Variants in AGBL4 observed in about 807,000 individuals in gnomAD.
AGBL4 encodes cytosolic carboxypeptidase 6.
AGBL4 carries 58 observed loss-of-function variants against 66.4 expected under a neutral mutation model. The observed-to-expected ratio is 0.87, with a 90% CI of 0.71 to 1.09. The LOEUF is 1.09. AGBL4 is among the 50% of genes least tolerant of loss of function. The pLI is 0.00. For synonymous variants in AGBL4, 234 were observed against 222.9 expected (o/e 1.05, Z -0.44); for missense variants, 579 against 631.0 (o/e 0.92, Z 0.88).
chr1:48,795,568 T>C (rs1645654979), intron 6 of AGBL4, among the ~76,000 whole-genome samples: 2 of 152,354 alleles, frequency 1.3e-5, no homozygotes, highest in Middle Eastern at 3.4e-3. Flanking sequence ...ACCCAGAAAG[T>C]TGACATTGTT....
intron 6 of AGBL4, among the ~76,000 whole-genome samples, chr1:48,742,226 T>C (rs1390656949): frequency 2.0e-5 from 3 of 152,208 alleles, no homozygotes; most frequent in African/African-American, 7.2e-5. Flanking sequence ...ACTGAGTTGT[T>C]ATCTGTAAAT....
intron 3 of AGBL4, among the ~76,000 whole-genome samples, chr1:49,378,514 TGAGAGG>T (rs750883631): frequency 1.2e-4 from 18 of 151,864 alleles, no homozygotes; most frequent in Admixed American, 2.6e-4. Flanking sequence ...AGAACCCTGG[TGAGAGG>T]GAGCAGTGGG....
intron 3 of AGBL4, among the ~76,000 whole-genome samples, chr1:49,350,495 G>T (rs962522128): frequency 2.0e-5 from 3 of 152,186 alleles, no homozygotes; most frequent in Non-Finnish European, 4.4e-5. Flanking sequence ...GAGCCACCGC[G>T]CCCGGCCCTG....
intron 3 of AGBL4, among the ~76,000 whole-genome samples, chr1:49,525,614 G>A (rs186604431): frequency 6.6e-6 from 1 of 152,124 alleles, no homozygotes; most frequent in African/African-American, 2.4e-5. Flanking sequence ...ACAGTATCAG[G>A]CATTCCTTTA....
intron 4 of AGBL4, among the ~76,000 whole-genome samples, chr1:49,160,810 T>G (rs1315024847): frequency 6.6e-6 from 1 of 152,138 alleles, no homozygotes; most frequent in Non-Finnish European, 1.5e-5. Context: ...TGTGGTGGGC[T>G]CCAACCAATT....
intron 1 of AGBL4, among the ~76,000 whole-genome samples, chr1:49,902,336 A>C (rs988472427): frequency 2.6e-5 from 4 of 152,212 alleles, no homozygotes; most frequent in Non-Finnish European, 4.4e-5. Context: ...GAAATTCACA[A>C]GCAAAATACA....
intron 3 of AGBL4, among the ~76,000 whole-genome samples, chr1:49,598,107 G>A (rs1644884477): frequency 6.6e-6 from 1 of 152,170 alleles, no homozygotes; most frequent in African/African-American, 2.4e-5. Context: ...TTTTCAAAGG[G>A]AGTGCTTCCA....
At chr1:48,946,083 T>TCCA (rs2148921394) in intron 5 of AGBL4, among the ~76,000 whole-genome samples, 1 of 152,332 alleles carries the variant, frequency 6.6e-6, no homozygotes, top group East Asian at 1.9e-4. Flanking sequence ...CCTATTGAAA[T>TCCA]TGAGCCTTCC....
intron 3 of AGBL4, among the ~76,000 whole-genome samples, chr1:49,339,265 T>C (rs1416693936): frequency 6.6e-6 from 1 of 152,166 alleles, no homozygotes; most frequent in Non-Finnish European, 1.5e-5. Flanking sequence ...GAACATTAAA[T>C]TTCTATATTA....
chr1:48,942,957 T>C (rs1253322677), intron 5 of AGBL4, among the ~76,000 whole-genome samples: 1 of 152,244 alleles, frequency 6.6e-6, no homozygotes, highest in African/African-American at 2.4e-5. Context: ...ACTAGTGAGC[T>C]GGATTTTTTA....
intron 6 of AGBL4, among the ~76,000 whole-genome samples, chr1:48,794,763 T>C (rs766853568): frequency 1.6e-4 from 24 of 152,244 alleles, no homozygotes; most frequent in Non-Finnish European, 3.2e-4. Flanking sequence ...CTCAGAATTT[T>C]ACTGTAGGCC....
chr1:49,884,939 T>G (rs539053254), intron 1 of AGBL4, among the ~76,000 whole-genome samples: 1 of 152,008 alleles, frequency 6.6e-6, no homozygotes, highest in African/African-American at 2.4e-5. Flanking sequence ...TGCTGAAACA[T>G]CTAGAAATAG....
intron 1 of AGBL4, among the ~76,000 whole-genome samples, chr1:50,007,356 T>A (rs1661214780): frequency 6.6e-6 from 1 of 151,990 alleles, no homozygotes; most frequent in African/African-American, 2.4e-5. Context: ...ATGGCAGAAG[T>A]CCTTATCTAT....
chr1:49,282,740 G>T (rs1335027610), intron 3 of AGBL4, among the ~76,000 whole-genome samples: 5 of 152,216 alleles, frequency 3.3e-5, no homozygotes, highest in Non-Finnish European at 7.3e-5. Context: ...TTCCCTTTAC[G>T]AGTCAAAGAA....
chr1:48,909,271 T>C (rs1397233574), intron 5 of AGBL4, among the ~76,000 whole-genome samples: 10 of 152,198 alleles, frequency 6.6e-5, no homozygotes, highest in African/African-American at 2.2e-4. Context: ...TAACATGACA[T>C]AGGAAATGTC....
At chr1:49,165,399 T>C (rs1300084030) in intron 4 of AGBL4, among the ~76,000 whole-genome samples, 6 of 152,156 alleles carry the variant, frequency 3.9e-5, no homozygotes, top group East Asian at 1.9e-4. Flanking sequence ...CAGAGATACA[T>C]TTGTTAAGAG....
intron 6 of AGBL4, among the ~76,000 whole-genome samples, chr1:48,843,129 T>C (rs1365930813): frequency 6.6e-6 from 1 of 152,174 alleles, no homozygotes; most frequent in African/African-American, 2.4e-5. Flanking sequence ...TACTTAACTC[T>C]ACTGAGCTGT....
chr1:48,802,117 C>T (rs1156475152), intron 6 of AGBL4, among the ~76,000 whole-genome samples: 1 of 152,126 alleles, frequency 6.6e-6, no homozygotes, highest in African/African-American at 2.4e-5. Flanking sequence ...CCTTTGTCTC[C>T]AGATCTCGTC....
At chr1:49,415,826 G>C (rs1424388405) in intron 3 of AGBL4, among the ~76,000 whole-genome samples, 6 of 152,082 alleles carry the variant, frequency 3.9e-5, no homozygotes, top group Non-Finnish European at 2.9e-5. Flanking sequence ...TTAAGTGAAA[G>C]TAATTTGCTG....
Sources: allele counts gnomAD v4.1 joint callset (sites outside exome capture counted in the v4.1 genomes callset), GRCh38; gene constraint gnomAD v4.1.1; transcripts MANE v1.5; gene names NCBI Gene and HGNC (gene_info 2026-07-23, HGNC 2026-07-21).